The following PPIL3 variants were observed in gnomAD, a reference collection of about 807,000 sequenced individuals.
The protein encoded by PPIL3 is peptidylprolyl isomerase like 3.
In PPIL3, 13 loss-of-function variants were observed where a neutral mutation model predicts 20.9. The observed-to-expected ratio is 0.62, with a 90% CI of 0.40 to 0.99. The LOEUF (loss-of-function observed/expected upper bound fraction) is 0.99. Ranked by LOEUF, PPIL3 falls within the 50% of genes least tolerant of loss-of-function variation. PPIL3 has a pLI of 0.00. For synonymous variants in PPIL3, 71 were observed against 64.4 expected (o/e 1.10, Z -0.49); for missense variants, 170 against 195.2 (o/e 0.87, Z 0.77).
intron 5 of PPIL3, among the ~76,000 whole-genome samples, chr2:200,880,423 T>TTTTTTTTTTTG (rs2039682590): frequency 6.6e-6 from 1 of 151,032 alleles, no homozygotes; most frequent in Non-Finnish European, 1.5e-5. Flanking sequence ...TTTTTTTTTT[T>TTTTTTTTTTTG]GAGTGGGGTC....
rs1435077580 is a variant in PPIL3, at chr2:200,885,725, G to T, written c.51C>A (p.Phe17Leu). ...TDVGDIKIEV[F>L]CERTPKTCEN... ...CACATGTTTTGGGTGTCCTCTCACAGAAGACTTCAATTTTAATATCACCTA... is the reference window on the plus strand; with the variant it reads ...CACATGTTTTGGGTGTCCTCTCACATAAGACTTCAATTTTAATATCACCTA... Residue 17 changes from phenylalanine to leucine, a missense_variant, in exon 3 of 7, where the codon TTC becomes TTA. Phe to Leu is a conservative substitution (Grantham distance 22, BLOSUM62 0). Coordinates refer to ENST00000392283, the MANE Select transcript of PPIL3 (RefSeq NM_130906.3). The T allele has an allele frequency of 6.3e-7, 1 of 1,590,858 alleles. No individual in the cohort carries two copies. Among genetic ancestry groups the T allele is most frequent in the Admixed American group, 1.7e-5 (1 of 58,922 alleles).
chr2:200,876,314 A>C (rs542394486), intron 6 of PPIL3, among the ~76,000 whole-genome samples: 1 of 151,940 alleles, frequency 6.6e-6, no homozygotes, highest in East Asian at 1.9e-4. Flanking sequence ...TCGTCTCAAA[A>C]AAAGAAAAAG....
chr2:200,875,581 CT>C (rs372441609), intron 6 of PPIL3, among the ~76,000 whole-genome samples: 2,118 of 144,584 alleles, frequency 0.015, 21 homozygotes, highest in African/African-American at 0.03. Context: ...TTTTTTCTAT[CT>C]TTTTTTTTTT....
Position 200,881,430 on chromosome 2 carries a change from T to G in PPIL3, c.231A>C (p.Glu77Asp), listed in dbSNP as rs2039718603. The G allele has an allele frequency of 6.2e-7, 1 of 1,611,992 alleles. No individual in the cohort carries two copies. The highest frequency in any genetic ancestry group is 8.5e-7 in the Non-Finnish European group (1 of 1,178,906). The change falls in exon 5 of 7, where the codon GAA becomes GAC. Residue 77 changes from glutamate to aspartate, a missense_variant. Transcript: ENST00000392283. Reference protein sequence around the residue: ...WGKKFEDEYSEYLKHNVRGVV... With the variant: ...WGKKFEDEYSDYLKHNVRGVV... ...AGCATTGAGGATTTACCTTAAGATA[T>G]TCACTGTATTCATCCTCAAACTTCT...
Position 200,881,474 on chromosome 2 carries a change from C to T in PPIL3, c.187G>A (p.Gly63Ser), listed in dbSNP as rs1559340084. Reference protein sequence around the residue: ...TGDPTGTGRGGNSIWGKKFED... With the variant: ...TGDPTGTGRGSNSIWGKKFED... ...AACTTCTTGCCCCAAATACTGTTGCCTCCTCTTCCAGTTCCTACATTACAA... is the reference window on the plus strand; with the variant it reads ...AACTTCTTGCCCCAAATACTGTTGCTTCCTCTTCCAGTTCCTACATTACAA... The change falls in exon 5 of 7, where the codon GGC becomes AGC. Residue 63 changes from glycine (G) to serine (S), a missense_variant. Physicochemically the swap from Gly to Ser is moderately conservative, Grantham distance 56. Transcript: ENST00000392283. 1.2e-6 allele frequency: 2 copies of T among 1,612,844 alleles called. No individual in the cohort carries two copies. Among genetic ancestry groups the T allele is most frequent in the Non-Finnish European group, 1.7e-6 (2 of 1,179,368 alleles).
intron 3 of PPIL3, chr2:200,885,326 G>A (rs998405275): frequency 3.7e-5 from 13 of 355,222 alleles, no homozygotes; most frequent in Middle Eastern, 7.3e-4. Context: ...AGCCGAGATC[G>A]CGCCATTGTA....
intron 2 of PPIL3, chr2:200,887,055 A>G (rs1377555872): frequency 6.6e-6 from 1 of 152,090 alleles, no homozygotes; most frequent in African/African-American, 2.4e-5. Flanking sequence ...CTCCCTTTCC[A>G]TTTCTATCTA....
At chr2:200,881,799 A>G in intron 4 of PPIL3, 1 of 311,740 alleles carries the variant, frequency 3.2e-6, no homozygotes, top group Non-Finnish European at 5.9e-6. Flanking sequence ...AAATTTTAGT[A>G]TATGTGCTGC....
At chr2:200,885,910 C>T (rs1308818932) in intron 2 of PPIL3, 138 bp from the exon 3 acceptor site, 1 of 547,242 alleles carries the variant, frequency 1.8e-6, no homozygotes, top group African/African-American at 2.0e-5. Context: ...ATGACCCATC[C>T]ACAAAGCAGC....
At chr2:200,881,005 C>T (rs1396640605) in intron 5 of PPIL3, among the ~76,000 whole-genome samples, 2 of 152,148 alleles carry the variant, frequency 1.3e-5, no homozygotes, top group African/African-American at 4.8e-5. Flanking sequence ...GTTCAAACAT[C>T]TAACAGAAGA....
Position 200,881,439 on chromosome 2 carries a change from T to G in PPIL3, c.222A>C (p.Glu74Asp). Residue 74 changes from glutamate (E) to aspartate (D), a missense_variant, in exon 5 of 7, where the codon GAA (glutamate) becomes GAC (aspartate). Physicochemically the swap from Glu to Asp is conservative, Grantham distance 45 (BLOSUM62 2). Transcript: ENST00000392283. ...NSIWGKKFEDEYSEYLKHNVR... is the reference protein window; with the variant it reads ...NSIWGKKFEDDYSEYLKHNVR... ...GATTTACCTTAAGATATTCACTGTA[T>G]TCATCCTCAAACTTCTTGCCCCAAA... 6.2e-7 allele frequency: 1 copy of G among 1,613,262 alleles called. No homozygotes were observed. The highest frequency in any genetic ancestry group is 8.5e-7 in the Non-Finnish European group (1 of 1,179,588).
intron 5 of PPIL3, among the ~76,000 whole-genome samples, chr2:200,880,876 AAATAT>A (rs2105774509): frequency 6.6e-6 from 1 of 152,300 alleles, no homozygotes; most frequent in East Asian, 1.9e-4. Flanking sequence ...AAACACAGAA[AAATAT>A]AACAAAGAAA....
intron 3 of PPIL3, among the ~76,000 whole-genome samples, chr2:200,883,212 C>T (rs2105779985): frequency 6.6e-6 from 1 of 150,738 alleles, no homozygotes; most frequent in African/African-American, 2.4e-5. Flanking sequence ...CCTCAGCCAC[C>T]CGAAGTGCTG....
chr2:200,875,366 C>G (rs1575097150), intron 6 of PPIL3, among the ~76,000 whole-genome samples: 2 of 152,070 alleles, frequency 1.3e-5, no homozygotes, highest in Middle Eastern at 3.4e-3. Context: ...CTCCAGGGTT[C>G]AAGCCATTCT....
chr2:200,875,916 C>T (rs1388320656), intron 6 of PPIL3, among the ~76,000 whole-genome samples: 1 of 152,054 alleles, frequency 6.6e-6, no homozygotes, highest in South Asian at 2.1e-4. Flanking sequence ...GTCTTTCCTC[C>T]CCTTTCCTCC....
intron 1 of PPIL3, 100 bp from the exon 2 acceptor site, chr2:200,887,785 G>A: frequency 2.1e-6 from 1 of 482,840 alleles, no homozygotes; most frequent in South Asian, 3.6e-5. Context: ...CGCCGGGCGT[G>A]GTGGCTCACG....
intron 6 of PPIL3, among the ~76,000 whole-genome samples, chr2:200,875,575 TTCTA>T (rs1315280967): frequency 1.3e-5 from 2 of 151,644 alleles, no homozygotes; most frequent in Admixed American, 1.3e-4. Context: ...TTTTCTTTTT[TTCTA>T]TCTTTTTTTT....
At chr2:200,885,803 G>T in intron 2 of PPIL3, 31 bp from the exon 3 acceptor site, 1 of 1,369,448 alleles carries the variant, frequency 7.3e-7, no homozygotes. Context: ...GAGAACAAAT[G>T]AAATTTATTT....
chr2:200,876,358 T>A (rs527959724), intron 6 of PPIL3, among the ~76,000 whole-genome samples: 2 of 152,064 alleles, frequency 1.3e-5, no homozygotes, highest in South Asian at 2.1e-4. Flanking sequence ...TTAATTTGCA[T>A]AACAATATTG....
Sources: allele counts gnomAD v4.1 joint callset (sites outside exome capture counted in the v4.1 genomes callset), GRCh38; gene constraint gnomAD v4.1.1; transcripts MANE v1.5; gene names NCBI Gene and HGNC (gene_info 2026-07-23, HGNC 2026-07-21).